The following KCNH1 variants were observed in gnomAD, a reference collection of about 807,000 sequenced individuals.
KCNH1 encodes the protein potassium voltage-gated channel subfamily H member 1.
A neutral mutation model predicts 69.2 loss-of-function variants in KCNH1; 27 were observed. The ratio of observed to expected loss-of-function variants is 0.39; its 90% CI spans 0.29 to 0.54. KCNH1 has a LOEUF of 0.54. Ranked by LOEUF, KCNH1 falls within the 20% of genes least tolerant of loss-of-function variation. KCNH1 has a pLI of 0.68. For missense variants in KCNH1, 798 were observed against 1,261.6 expected (o/e 0.63, Z 5.57); for synonymous variants, 456 against 487.7 (o/e 0.93, Z 0.86).
chr1:210,919,931 G>A lies in KCNH1; in HGVS notation c.1171C>T (p.His391Tyr), dbSNP rs967022779. 6.2e-7 allele frequency: 1 copy of A among 1,614,158 alleles called. No homozygotes were observed. Among genetic ancestry groups the A allele is most frequent in the Non-Finnish European group, 8.5e-7 (1 of 1,180,016 alleles). Residue 391 changes from histidine (H) to tyrosine (Y), a missense_variant, in exon 7 of 11, where the codon CAC becomes TAC. By Grantham distance (83) the His-to-Tyr change is moderately conservative. Transcript: ENST00000271751. The surrounding 1 kb of genome is among the most constrained non-coding windows in gnomAD (Gnocchi z 4.2). ...LLVCVFGLAA[H>Y]WMACIWYSIG... ...CTGTACCAGATGCAGGCCATCCAGT[G>A]TGCAGCCAGCCCAAACACACACACC...
chr1:210,947,443 C>T lies in KCNH1; in HGVS notation c.1033-27374G>A, dbSNP rs186415930. Reference sequence around the variant, plus strand: ...AAAAAAAATTAGCCAGGCATGGTGGCGGGCACCTGTAGTCCCAGCTACTCG... The same window carrying T: ...AAAAAAAATTAGCCAGGCATGGTGGTGGGCACCTGTAGTCCCAGCTACTCG... On this transcript the variant is annotated intron_variant, in intron 6 of 10. Transcript: ENST00000271751. 3.2e-3 allele frequency among the ~76,000 whole-genome samples: 484 copies of T among 151,842 alleles called. 3 individuals carry two copies. Among genetic ancestry groups the T allele is most frequent in the African/African-American group, 0.011 (454 of 41,418 alleles).
At chr1:210,834,658 C>G (rs951592960) in intron 7 of KCNH1, among the ~76,000 whole-genome samples, 4 of 144,178 alleles carry the variant, frequency 2.8e-5, no homozygotes, top group African/African-American at 1.1e-4. Context: ...ACATTGTGCA[C>G]ATGTACCCTA....
At chr1:210,889,659 T>C (rs1686702685) in intron 7 of KCNH1, among the ~76,000 whole-genome samples, 1 of 152,144 alleles carries the variant, frequency 6.6e-6, no homozygotes, top group Admixed American at 6.6e-5. Context: ...GAAAACCCCA[T>C]CATCTCAGCC....
intron 10 of KCNH1, among the ~76,000 whole-genome samples, chr1:210,770,322 T>A (rs1683730086): frequency 6.6e-6 from 1 of 152,180 alleles, no homozygotes; most frequent in Non-Finnish European, 1.5e-5. Context: ...TGTATACCTA[T>A]GTAACAAACC....
intron 4 of KCNH1, among the ~76,000 whole-genome samples, chr1:211,089,280 C>T (rs547760509): frequency 6.6e-6 from 1 of 152,288 alleles, no homozygotes; most frequent in South Asian, 2.1e-4. Flanking sequence ...GAAATAGCTA[C>T]TGCACTGAGA....
chr1:210,981,790 CA>C (rs1357958331), intron 6 of KCNH1, among the ~76,000 whole-genome samples: 1 of 152,090 alleles, frequency 6.6e-6, no homozygotes. Context: ...CAACTGCCTT[CA>C]TTTTCCTCTT....
intron 6 of KCNH1, among the ~76,000 whole-genome samples, chr1:210,985,393 C>A (rs543130043): frequency 9.9e-5 from 15 of 152,270 alleles, no homozygotes; most frequent in African/African-American, 2.9e-4. Context: ...AATTTTGGAT[C>A]TTTCCTGCTT....
At chr1:210,896,456 G>A (rs1686869559) in intron 7 of KCNH1, among the ~76,000 whole-genome samples, 1 of 152,148 alleles carries the variant, frequency 6.6e-6, no homozygotes, top group African/African-American at 2.4e-5. Flanking sequence ...CTTTAAAAAG[G>A]AGACTGAAGG....
At chr1:210,941,802 T>A (rs1011904331) in intron 6 of KCNH1, among the ~76,000 whole-genome samples, 1 of 152,190 alleles carries the variant, frequency 6.6e-6, no homozygotes. Context: ...AGGGATGTTC[T>A]AGGTTTAAGG....
At chr1:211,130,313 G>C (rs1691853889) in intron 1 of KCNH1, among the ~76,000 whole-genome samples, 2 of 152,146 alleles carry the variant, frequency 1.3e-5, no homozygotes, top group Admixed American at 1.3e-4. Context: ...CCTTAAATGG[G>C]ATTCAAAATG....
intron 5 of KCNH1, among the ~76,000 whole-genome samples, chr1:211,020,878 GA>G (rs1038186538): frequency 0.011 from 1,587 of 149,394 alleles, 25 homozygotes; most frequent in African/African-American, 0.036. Flanking sequence ...CAGCAGTAGG[GA>G]AAAAAAAATG....
chr1:210,932,527 G>A (rs1455435124), intron 6 of KCNH1, among the ~76,000 whole-genome samples: 2 of 128,310 alleles, frequency 1.6e-5, no homozygotes, highest in Non-Finnish European at 3.4e-5. Flanking sequence ...AACCTTTAAT[G>A]TAAATGTATT....
At position 210,972,481 on chromosome 1, in the gene KCNH1, A is replaced by T. The variant is rs533947173; in HGVS notation, c.1032+46302T>A. Reference sequence around the variant, plus strand: ...GCCCTAAAGTTCCTTTTTTAAAAAAAGCTTACTTATACATTGGGAAAGAAA... The same window carrying T: ...GCCCTAAAGTTCCTTTTTTAAAAAATGCTTACTTATACATTGGGAAAGAAA... On this transcript the variant is annotated intron_variant, in intron 6 of 10. Coordinates refer to ENST00000271751, the MANE Select transcript of KCNH1 (RefSeq NM_172362.3). 9.8e-5 allele frequency among the ~76,000 whole-genome samples: 15 copies of T among 152,308 alleles called. No homozygotes were observed. In the South Asian group the frequency reaches 2.9e-3, roughly 29 times the overall value.
intron 7 of KCNH1, among the ~76,000 whole-genome samples, chr1:210,907,530 A>G (rs1687127010): frequency 2.2e-5 from 2 of 90,300 alleles, no homozygotes; most frequent in East Asian, 2.6e-4. Context: ...GACTGGGAAG[A>G]AAAAAAAAAA....
rs746102752 is a variant in KCNH1, at chr1:210,797,492, C to T, written c.1915+16G>A. The T allele has an allele frequency of 1.2e-6, 2 of 1,611,820 alleles. No homozygotes were observed. Among genetic ancestry groups the T allele is most frequent in the South Asian group, 1.1e-5 (1 of 90,980 alleles). ...ACCCCAGATACCTTTGCCCATCCAG[C>T]AAAGCCAACACCTACCTAGAATGGC... On this transcript the variant is annotated intron_variant, in intron 9 of 10. Transcript: ENST00000271751.
chr1:211,107,419 A>G, intron 1 of KCNH1, 42 bp from the exon 2 acceptor site: 5 of 1,586,776 alleles, frequency 3.2e-6, no homozygotes, highest in Non-Finnish European at 4.3e-6. Context: ...CACATGAGGC[A>G]ACACATTAGT....
intron 10 of KCNH1, among the ~76,000 whole-genome samples, chr1:210,758,128 A>AG (rs2102346923): frequency 6.6e-6 from 1 of 152,332 alleles, no homozygotes; most frequent in East Asian, 1.9e-4. Context: ...CTCACCTGAG[A>AG]GGGGCCCTAC....
chr1:211,029,324 T>A (rs1211347357), intron 5 of KCNH1, among the ~76,000 whole-genome samples: 25 of 67,370 alleles, frequency 3.7e-4, no homozygotes, highest in South Asian at 1.1e-3. Flanking sequence ...CCAAGCAAAA[T>A]CCTGTCACTT....
chr1:210,867,982 T>G (rs1464593674), intron 7 of KCNH1, among the ~76,000 whole-genome samples: 1 of 152,046 alleles, frequency 6.6e-6, no homozygotes, highest in African/African-American at 2.4e-5. Context: ...ATATACAAGT[T>G]TTTGTGTGAA....
Sources: allele counts gnomAD v4.1 joint callset (sites outside exome capture counted in the v4.1 genomes callset), GRCh38; gene constraint gnomAD v4.1.1; non-coding constraint Gnocchi (gnomAD v3.1); transcripts MANE v1.5; gene names NCBI Gene and HGNC (gene_info 2026-07-23, HGNC 2026-07-21).